The following TPRG1 variants were observed in gnomAD, a reference collection of about 807,000 sequenced individuals.
TPRG1 encodes the protein tumor protein p63-regulated gene 1 protein.
A neutral mutation model predicts 29.3 loss-of-function variants in TPRG1; 29 were observed. That is an observed-to-expected ratio of 0.99 (90% CI 0.74 to 1.35). TPRG1 has a LOEUF of 1.35. Among genes scored for constraint, TPRG1 ranks in the 40% most tolerant of loss-of-function variants. The pLI is 0.00. For synonymous variants in TPRG1, 130 were observed against 116.8 expected, an observed-to-expected ratio of 1.11 and a Z score of -0.73; for missense variants, 327 against 335.0, an observed-to-expected ratio of 0.98 and a Z score of 0.19.
chr3:189,320,826 T>C lies in TPRG1; in HGVS notation c.*6T>C, dbSNP rs1724247378. On this transcript the variant is annotated 3_prime_UTR_variant, in exon 6 of 6. Transcript: ENST00000345063. The stretch of plus-strand genomic sequence containing the variant: ...GTGGGAGTATTGGTTTTTGAGAGTC[T>C]TTTTGGTACCATAAGCATATCATCC... 1 of 1,560,316 alleles carries C rather than the reference T, an allele frequency of 6.4e-7. No homozygotes were observed. The highest frequency in any genetic ancestry group is 8.7e-7 in the Non-Finnish European group (1 of 1,153,468).
At chr3:189,112,965 G>C (rs1164138555) in intron 1 of TPRG1, among the ~76,000 whole-genome samples, 2 of 152,102 alleles carry the variant, frequency 1.3e-5, no homozygotes, top group Non-Finnish European at 2.9e-5. Flanking sequence ...ATTACCTTGG[G>C]CAGTATGGCC....
At chr3:189,195,612 A>G (rs116311289) in intron 1 of TPRG1, among the ~76,000 whole-genome samples, 2,583 of 152,310 alleles carry the variant, frequency 0.017, 75 homozygotes, top group African/African-American at 0.058. Context: ...CAGTGTCAGC[A>G]TCTCCTCTGG....
intron 4 of TPRG1, among the ~76,000 whole-genome samples, chr3:189,244,763 C>T (rs182426990): frequency 9.9e-4 from 151 of 152,246 alleles, no homozygotes; most frequent in African/African-American, 3.5e-3. Flanking sequence ...TTGGTGGGGA[C>T]ACAGATCCAA....
intron 3 of TPRG1, among the ~76,000 whole-genome samples, chr3:189,015,792 G>A (rs1408203648): frequency 6.6e-6 from 1 of 152,146 alleles, no homozygotes; most frequent in East Asian, 1.9e-4. Context: ...CAGGCACACA[G>A]AAGGTAAGAG....
intron 3 of TPRG1, among the ~76,000 whole-genome samples, chr3:189,007,536 C>G (rs1377377313): frequency 6.6e-6 from 1 of 151,652 alleles, no homozygotes; most frequent in Non-Finnish European, 1.5e-5. Flanking sequence ...ACCCAGCCAT[C>G]CCATTACTGG....
At chr3:189,062,664 C>T (rs1305303514) in intron 4 of TPRG1, among the ~76,000 whole-genome samples, 1 of 151,994 alleles carries the variant, frequency 6.6e-6, no homozygotes, top group Non-Finnish European at 1.5e-5. Flanking sequence ...GATTCCATGT[C>T]TGAAATGTTG....
intron 4 of TPRG1, among the ~76,000 whole-genome samples, chr3:189,253,344 T>C (rs761946111): frequency 2.0e-5 from 3 of 152,184 alleles, no homozygotes; most frequent in Non-Finnish European, 2.9e-5. Flanking sequence ...CTCCCACTTA[T>C]GTGGTGTTTG....
intron 3 of TPRG1, among the ~76,000 whole-genome samples, chr3:189,147,295 C>A (rs1216839324): frequency 2.6e-5 from 4 of 152,190 alleles, no homozygotes; most frequent in Admixed American, 2.0e-4. Flanking sequence ...TCTAATATAA[C>A]CTCTGCTCTA....
chr3:189,012,140 A>G (rs180785900), intron 3 of TPRG1, among the ~76,000 whole-genome samples: 2 of 152,282 alleles, frequency 1.3e-5, no homozygotes, highest in Admixed American at 1.3e-4. Flanking sequence ...CTCTTGGCTG[A>G]TTGCCTTGGC....
chr3:189,161,082 C>T (rs1445328456), intron 5 of TPRG1, among the ~76,000 whole-genome samples: 1 of 152,186 alleles, frequency 6.6e-6, no homozygotes, highest in Non-Finnish European at 1.5e-5. Flanking sequence ...CTGGGATGAT[C>T]AGGACAATCT....
At chr3:189,175,801 T>TTC (rs1476341743) in intron 1 of TPRG1, among the ~76,000 whole-genome samples, 1 of 152,180 alleles carries the variant, frequency 6.6e-6, no homozygotes, top group Non-Finnish European at 1.5e-5. Context: ...TGGAAAAGGT[T>TTC]TCTCTCTCTC....
In TPRG1 at chr3:189,219,511, C is replaced by A. The variant is rs376397131; in HGVS notation, c.302+4128C>A. On this transcript the variant is annotated intron_variant, in intron 3 of 5. Transcript: ENST00000345063. Reference sequence around the variant, plus strand: ...AGTTTCCTATTACCTTTCTTATTGGCCCTTCTGAAAAAAAAAAAAAAAGAT... The same window carrying A: ...AGTTTCCTATTACCTTTCTTATTGGACCTTCTGAAAAAAAAAAAAAAAGAT... 4.0e-3 allele frequency: 3,906 copies of A among 984,446 alleles called. 107 individuals carry two copies. The African/African-American group carries it at 0.066, about 17-fold the overall frequency. The allele number at this position is 984,446 out of a possible 1,614,324, so 61.0% of individuals were successfully genotyped here.
intron 5 of TPRG1, among the ~76,000 whole-genome samples, chr3:189,162,449 A>G (rs1448988837): frequency 6.6e-6 from 1 of 152,210 alleles, no homozygotes; most frequent in Non-Finnish European, 1.5e-5. Flanking sequence ...TAATGACAGG[A>G]TAATAATTTT....
At chr3:189,126,380 T>C (rs1722497161) in intron 1 of TPRG1, among the ~76,000 whole-genome samples, 2 of 152,204 alleles carry the variant, frequency 1.3e-5, no homozygotes, top group Non-Finnish European at 2.9e-5. Context: ...GAGAACAAGA[T>C]AATAAATAGG....
chr3:189,084,377 T>C (rs770079698), intron 4 of TPRG1, among the ~76,000 whole-genome samples: 4 of 152,204 alleles, frequency 2.6e-5, no homozygotes, highest in Non-Finnish European at 5.9e-5. Flanking sequence ...ATATATATTC[T>C]ATCATAAAAA....
upstream of TPRG1, among the ~76,000 whole-genome samples, chr3:189,168,908 G>A (rs903102032): frequency 1.3e-5 from 2 of 152,136 alleles, no homozygotes; most frequent in African/African-American, 2.4e-5. Context: ...GTTCATACCT[G>A]ACCAGGATCC....
intron 5 of TPRG1, among the ~76,000 whole-genome samples, chr3:189,156,259 G>T (rs141559137): frequency 6.6e-6 from 1 of 151,992 alleles, no homozygotes; most frequent in Non-Finnish European, 1.5e-5. Context: ...AATGTAGTCA[G>T]CTTCTAGAAG....
chr3:189,005,900 A>C (rs968932848), intron 3 of TPRG1, among the ~76,000 whole-genome samples: 8 of 152,100 alleles, frequency 5.3e-5, no homozygotes, highest in Non-Finnish European at 1.2e-4. Flanking sequence ...AACAGGATGA[A>C]GCATGTAACA....
At chr3:189,263,853 A>G (rs1399640227) in intron 4 of TPRG1, among the ~76,000 whole-genome samples, 2 of 152,210 alleles carry the variant, frequency 1.3e-5, no homozygotes, top group East Asian at 3.8e-4. Context: ...TGAAGGTTGC[A>G]TGACTTCTTG....
Sources: allele counts gnomAD v4.1 joint callset (sites outside exome capture counted in the v4.1 genomes callset), GRCh38; gene constraint gnomAD v4.1.1; transcripts MANE v1.5; gene names NCBI Gene and HGNC (gene_info 2026-07-23, HGNC 2026-07-21).